Variants in COL24A1 observed in about 807,000 individuals in gnomAD.
COL24A1 encodes the protein collagen alpha-1(XXIV) chain.
A neutral mutation model predicts 253.9 loss-of-function variants in COL24A1; 224 were observed. That is an observed-to-expected ratio of 0.88 (90% CI 0.79 to 0.99). The LOEUF (loss-of-function observed/expected upper bound fraction) is 0.99, where lower values mean the gene tolerates loss of function less well. Among genes scored for constraint, COL24A1 ranks in the 50% least tolerant of loss-of-function variants. The pLI, the probability that COL24A1 is intolerant of heterozygous loss-of-function variation, is 0.00. For synonymous variants in COL24A1, 685 were observed against 673.7 expected, an observed-to-expected ratio of 1.02 and a Z score of -0.26; for missense variants, 2,131 against 2,068.5, an observed-to-expected ratio of 1.03 and a Z score of -0.59.
chr1:85,739,927 T>G (rs1664428558), intron 57 of COL24A1, among the ~76,000 whole-genome samples: 1 of 152,204 alleles, frequency 6.6e-6, no homozygotes, highest in South Asian at 2.1e-4. Context: ...GTTCACTCCC[T>G]CTAGTGTCCT....
chr1:86,110,507 C>G (rs922146669), intron 5 of COL24A1, among the ~76,000 whole-genome samples: 1 of 151,962 alleles, frequency 6.6e-6, no homozygotes, highest in Non-Finnish European at 1.5e-5. Context: ...AGGCCCTCTC[C>G]GTGCTGGCCC....
At chr1:86,097,889 C>G (rs1165805901) in intron 5 of COL24A1, among the ~76,000 whole-genome samples, 1 of 152,046 alleles carries the variant, frequency 6.6e-6, no homozygotes, top group Non-Finnish European at 1.5e-5. Flanking sequence ...TAAATCTCCA[C>G]TTGGATGTTA....
chr1:86,041,269 T>G (rs1334142367), intron 12 of COL24A1, among the ~76,000 whole-genome samples: 2 of 152,162 alleles, frequency 1.3e-5, no homozygotes, highest in Non-Finnish European at 2.9e-5. Context: ...GTGATTTGAT[T>G]ATTTATAATC....
intron 19 of COL24A1, among the ~76,000 whole-genome samples, chr1:86,006,454 T>C (rs1695968387): frequency 6.6e-6 from 1 of 152,150 alleles, no homozygotes; most frequent in South Asian, 2.1e-4. Flanking sequence ...ACTGGACATC[T>C]ACATGCAAAA....
intron 43 of COL24A1, among the ~76,000 whole-genome samples, chr1:85,830,208 G>A (rs1473049541): frequency 6.6e-6 from 1 of 152,162 alleles, no homozygotes; most frequent in Non-Finnish European, 1.5e-5. Flanking sequence ...TGCCCCTGCT[G>A]GGGGGTGCCT....
At chr1:85,842,208 T>C in intron 40 of COL24A1, 87 bp from the exon 41 acceptor site, 1 of 1,422,882 alleles carries the variant, frequency 7.0e-7, no homozygotes, top group South Asian at 1.2e-5. Flanking sequence ...GGATTCACTG[T>C]CTAGGAGGAT....
At chr1:85,835,606 G>T (rs959633130) in intron 43 of COL24A1, among the ~76,000 whole-genome samples, 1 of 152,010 alleles carries the variant, frequency 6.6e-6, no homozygotes, top group Non-Finnish European at 1.5e-5. Context: ...ATAAAATATT[G>T]ATATATTTTA....
At chr1:85,805,661 C>T (rs1435636729) in intron 47 of COL24A1, among the ~76,000 whole-genome samples, 1 of 152,082 alleles carries the variant, frequency 6.6e-6, no homozygotes, top group Admixed American at 6.6e-5. Flanking sequence ...ATAATTATGC[C>T]TACCTCATGG....
intron 22 of COL24A1, among the ~76,000 whole-genome samples, 155 bp downstream of exon 22, chr1:85,970,072 T>C (rs538131662): frequency 8.7e-4 from 133 of 152,310 alleles, no homozygotes; most frequent in African/African-American, 3.1e-3. Context: ...GGACTTCCAG[T>C]TATTGGCCTA....
intron 24 of COL24A1, among the ~76,000 whole-genome samples, chr1:85,954,991 G>C (rs192506110): frequency 1.1e-4 from 16 of 152,178 alleles, no homozygotes; most frequent in African/African-American, 3.9e-4. Flanking sequence ...CTATTGATAC[G>C]GAAGTGCAGG....
intron 43 of COL24A1, among the ~76,000 whole-genome samples, chr1:85,827,559 A>C (rs1040773703): frequency 1.3e-5 from 2 of 150,930 alleles, no homozygotes; most frequent in South Asian, 2.1e-4. Context: ...CTGGTCCTGG[A>C]CTCTTTTTGG....
chr1:85,902,531 T>C (rs1317892649), intron 28 of COL24A1, among the ~76,000 whole-genome samples: 3 of 152,182 alleles, frequency 2.0e-5, no homozygotes, highest in Non-Finnish European at 4.4e-5. Context: ...TTCACTCTCT[T>C]GTAAAGATCC....
chr1:86,037,101 T>G (rs551104757), intron 12 of COL24A1, among the ~76,000 whole-genome samples: 2 of 152,222 alleles, frequency 1.3e-5, no homozygotes, highest in Non-Finnish European at 2.9e-5. Context: ...AAATATTTTA[T>G]GTGATGAAGA....
intron 58 of COL24A1, among the ~76,000 whole-genome samples, chr1:85,735,272 G>C (rs1438988923): frequency 6.6e-6 from 1 of 152,192 alleles, no homozygotes; most frequent in Non-Finnish European, 1.5e-5. Context: ...ATGTTAACAA[G>C]TGGCTTTCCT....
At chr1:85,802,576 T>C (rs1671548290) in intron 47 of COL24A1, among the ~76,000 whole-genome samples, 1 of 152,204 alleles carries the variant, frequency 6.6e-6, no homozygotes, top group Non-Finnish European at 1.5e-5. Context: ...TCTATATACC[T>C]ATTTCACTGA....
chr1:85,765,491 G>A (rs190332650), intron 53 of COL24A1, among the ~76,000 whole-genome samples: 12 of 151,486 alleles, frequency 7.9e-5, no homozygotes, highest in African/African-American at 2.7e-4. Context: ...GAATCACGTG[G>A]GGCCAGGGTT....
intron 24 of COL24A1, among the ~76,000 whole-genome samples, chr1:85,960,403 TC>T (rs1690911290): frequency 6.6e-6 from 1 of 152,128 alleles, no homozygotes; most frequent in South Asian, 2.1e-4. Context: ...TTCTAACAAA[TC>T]TGATTCAAAT....
intron 28 of COL24A1, among the ~76,000 whole-genome samples, chr1:85,903,755 C>T (rs757932198): frequency 6.6e-6 from 1 of 152,168 alleles, no homozygotes; most frequent in African/African-American, 2.4e-5. Context: ...GATCAATTTA[C>T]AGAACCACTA....
chr1:85,830,965 C>T (rs917129110), intron 43 of COL24A1, among the ~76,000 whole-genome samples: 3 of 152,106 alleles, frequency 2.0e-5, no homozygotes, highest in Non-Finnish European at 4.4e-5. Flanking sequence ...TTTATTCTTA[C>T]AGCAAAGTCA....
Sources: gnomAD v4.1 joint callset for allele counts (sites outside exome capture counted in the v4.1 genomes callset) on GRCh38, gnomAD v4.1.1 for gene constraint, MANE v1.5 for transcripts, NCBI Gene and HGNC (gene_info 2026-07-23, HGNC 2026-07-21) for gene names.